The following BCAT1 variants were observed in gnomAD, a reference collection of about 807,000 sequenced individuals.
BCAT1 encodes the protein branched-chain-amino-acid aminotransferase, cytosolic.
BCAT1 carries 48 observed loss-of-function variants against 52.4 expected under a neutral mutation model. The observed-to-expected ratio is 0.92, with a 90% CI of 0.73 to 1.16. The LOEUF is 1.16. BCAT1 is among the 50% of genes most tolerant of loss of function. The pLI is 0.00. For synonymous variants in BCAT1, 167 were observed against 161.3 expected (o/e 1.04, Z -0.27); for missense variants, 451 against 457.1 (o/e 0.99, Z 0.12).
chr12:24,934,001 C>T (rs2139748262), intron 1 of BCAT1, among the ~76,000 whole-genome samples: 1 of 152,254 alleles, frequency 6.6e-6, no homozygotes, highest in South Asian at 2.1e-4. Context: ...CCTTACTGTA[C>T]ACTTGGCTGG....
chr12:24,917,195 C>CT (rs60491814), intron 1 of BCAT1, among the ~76,000 whole-genome samples: 3,576 of 103,452 alleles, frequency 0.035, 160 homozygotes, highest in African/African-American at 0.067. Context: ...GAGCTTTGGA[C>CT]TTTTTTTTTT....
intron 5 of BCAT1, among the ~76,000 whole-genome samples, chr12:24,869,241 T>A (rs1379141140): frequency 6.6e-6 from 1 of 151,988 alleles, no homozygotes; most frequent in Non-Finnish European, 1.5e-5. Context: ...GACAGCCAAG[T>A]GGGAAGAAGA....
rs1943548983 is a variant in BCAT1 at position 24,924,372 on chromosome 12, G to C, written c.7-22487C>G. 1.3e-5 allele frequency among the ~76,000 whole-genome samples: 2 copies of C among 152,202 alleles called. 1 individual carries two copies. Among genetic ancestry groups the C allele is most frequent in the South Asian group, 4.1e-4 (2 of 4,830 alleles). On this transcript the variant is annotated intron_variant, in intron 1 of 10. Coordinates refer to ENST00000261192, the MANE Select transcript of BCAT1 (RefSeq NM_005504.7). ...AATGGGATATTTACACAGTCTCAAA[G>C]TCTTGTGCCACAAATTACATATTAA...
In BCAT1 at chr12:24,814,170, T is replaced by C. The variant is rs971261924; in HGVS notation, c.*3838A>G. The C allele has an allele frequency of 1.3e-5, 2 of 152,112 alleles. No homozygotes were observed. Among genetic ancestry groups the C allele is most frequent in the African/African-American group, 4.8e-5 (2 of 41,440 alleles). 9.4% of individuals were successfully genotyped at this position (152,112 alleles called of 1,614,324 possible). On this transcript the variant is annotated 3_prime_UTR_variant, in exon 11 of 11. Coordinates refer to ENST00000261192, the MANE Select transcript of BCAT1 (RefSeq NM_005504.7). ...TAGCATTACTACGTATAACTGAAGT[T>C]TTTGCATATCCGCATAAGAAGAAAT...
chr12:24,877,620 C>T (rs536006984), intron 5 of BCAT1, among the ~76,000 whole-genome samples: 196 of 152,284 alleles, frequency 1.3e-3, no homozygotes, highest in African/African-American at 4.6e-3. Context: ...GGAAGGGGAA[C>T]CTCCATTCTC....
At chr12:24,905,114 G>C (rs1173554161) in intron 1 of BCAT1, among the ~76,000 whole-genome samples, 1 of 152,214 alleles carries the variant, frequency 6.6e-6, no homozygotes, top group Non-Finnish European at 1.5e-5. Context: ...AGAGCCTGGG[G>C]CTGCGGTAGA....
At chr12:24,820,870 A>G (rs1281330524) in intron 10 of BCAT1, among the ~76,000 whole-genome samples, 2 of 152,104 alleles carry the variant, frequency 1.3e-5, no homozygotes, top group Admixed American at 6.6e-5. Flanking sequence ...CAAAAGCACA[A>G]CCTGCATGTC....
At chr12:24,946,005 C>T (rs551195793) in intron 1 of BCAT1, among the ~76,000 whole-genome samples, 1 of 152,228 alleles carries the variant, frequency 6.6e-6, no homozygotes, top group African/African-American at 2.4e-5. Context: ...TTTAAAGAAA[C>T]TGTGGTTACC....
At chr12:24,943,789 C>T (rs1227771452) in intron 1 of BCAT1, among the ~76,000 whole-genome samples, 2 of 151,942 alleles carry the variant, frequency 1.3e-5, no homozygotes, top group African/African-American at 2.4e-5. Flanking sequence ...TCAAGACCTT[C>T]CTGGCTAACA....
intron 3 of BCAT1, among the ~76,000 whole-genome samples, chr12:24,890,625 A>G (rs2139639462): frequency 6.6e-6 from 1 of 152,314 alleles, no homozygotes; most frequent in African/African-American, 2.4e-5. Flanking sequence ...GGCCATGGCA[A>G]TGGTGGGAAG....
At chr12:24,913,885 G>T (rs1943366091) in intron 1 of BCAT1, among the ~76,000 whole-genome samples, 2 of 152,076 alleles carry the variant, frequency 1.3e-5, no homozygotes, top group East Asian at 1.9e-4. Flanking sequence ...ACACAGACAG[G>T]CTGGGGGTGG....
chr12:24,849,821 G>T lies in BCAT1; in HGVS notation c.639C>A (p.Ala213=). Residue 213 remains alanine (A), a synonymous_variant, in exon 6 of 11, where the codon GCC becomes GCA. Coordinates refer to ENST00000261192, the MANE Select transcript of BCAT1 (RefSeq NM_005504.7). The stretch of plus-strand genomic sequence containing the variant: ...TGCAGTCCCCAGTTCCACCTTTCCA[G>T]GCTCTTACATACTTGGGATTGGCCC... ...SLWANPKYVR[A]WKGGTGDCKM... 6.2e-7 allele frequency: 1 copy of T among 1,613,056 alleles called. No homozygotes were observed. Among genetic ancestry groups the T allele is most frequent in the Non-Finnish European group, 8.5e-7 (1 of 1,179,326 alleles).
intron 1 of BCAT1, among the ~76,000 whole-genome samples, chr12:24,910,074 T>C (rs1389392385): frequency 6.6e-6 from 1 of 152,062 alleles, no homozygotes; most frequent in Non-Finnish European, 1.5e-5. Flanking sequence ...CCATGAGAGA[T>C]AAAAATAAAT....
chr12:24,894,344 T>C lies in BCAT1; in HGVS notation c.210A>G (p.Lys70=), dbSNP rs763303604. The change falls in exon 3 of 11, where the codon AAA becomes AAG. Residue 70 remains lysine (K), a synonymous_variant. Coordinates refer to ENST00000261192, the MANE Select transcript of BCAT1 (RefSeq NM_005504.7). ...GGTTCTGAAGAGGCTTGATATGAGG[T>C]TTCTCCCATCCAAACTCTGAGGACC... ...VEWSSEFGWE[K]PHIKPLQNLS... The C allele has an allele frequency of 5.0e-6, 8 of 1,613,730 alleles. No homozygotes were observed. Among genetic ancestry groups the C allele is most frequent in the East Asian group, 4.5e-5 (2 of 44,870 alleles).
rs766908287 is a variant in BCAT1 at position 24,878,494 on chromosome 12, CA to C, written c.510+35del. The C allele has an allele frequency of 7.6e-6, 12 of 1,582,628 alleles. No individual in the cohort carries two copies. In the African/African-American group the frequency reaches 1.5e-4, roughly 20 times the overall value. ...CAACAATAAACAATAATAACTTGCC[CA>C]GCAAAGTACCCCAAAATAAAGAGTC... On this transcript the variant is annotated intron_variant, in intron 5 of 10. Transcript: ENST00000261192.
At chr12:24,882,133 G>A (rs1196944389) in intron 3 of BCAT1, among the ~76,000 whole-genome samples, 2 of 152,154 alleles carry the variant, frequency 1.3e-5, no homozygotes, top group African/African-American at 4.8e-5. Context: ...ATGAACAACA[G>A]GAAGAACAAA....
At chr12:24,863,970 G>C (rs553671936) in intron 5 of BCAT1, among the ~76,000 whole-genome samples, 12 of 151,954 alleles carry the variant, frequency 7.9e-5, no homozygotes, top group African/African-American at 2.9e-4. Flanking sequence ...TCACTTTCTG[G>C]AATGATTCCA....
chr12:24,906,146 C>A (rs1318454356), intron 1 of BCAT1, among the ~76,000 whole-genome samples: 1 of 151,500 alleles, frequency 6.6e-6, no homozygotes. Context: ...GCCAGGATCA[C>A]ACCACTGCAC....
chr12:24,934,963 C>G (rs1943731013), intron 1 of BCAT1, among the ~76,000 whole-genome samples: 1 of 152,188 alleles, frequency 6.6e-6, no homozygotes, highest in Non-Finnish European at 1.5e-5. Flanking sequence ...GTGGTTTCCT[C>G]TCTAGAAACA....
Sources: gnomAD v4.1 joint callset for allele counts (sites outside exome capture counted in the v4.1 genomes callset) on GRCh38, gnomAD v4.1.1 for gene constraint, MANE v1.5 for transcripts, NCBI Gene and HGNC (gene_info 2026-07-23, HGNC 2026-07-21) for gene names.